Variants in TPM3 observed in about 807,000 individuals in gnomAD.
TPM3 encodes the protein tropomyosin 3.
Under a neutral mutation model 43.1 loss-of-function variants are expected in TPM3, and 16 were observed. That is an observed-to-expected ratio of 0.37 (90% CI 0.25 to 0.56). The LOEUF is 0.56. Ranked by LOEUF, TPM3 falls within the 20% of genes least tolerant of loss-of-function variation. The pLI is 0.77. For synonymous variants in TPM3, 101 were observed against 116.9 expected (o/e 0.86, Z 0.88); for missense variants, 176 against 337.2 (o/e 0.52, Z 3.74).
Position 154,167,817 on chromosome 1 carries a change from C to T in TPM3, c.*120G>A. 1 of 1,596,156 alleles carries T rather than the reference C, an allele frequency of 6.3e-7. No homozygotes were observed. Among genetic ancestry groups the T allele is most frequent in the South Asian group, 1.1e-5 (1 of 89,374 alleles). ...ATACATAAGTTGCTTTTTGCTCCCC[C>T]ATCCTAATGCCTTGGGGACCAGCCA... On this transcript the variant is annotated 3_prime_UTR_variant, in exon 10 of 10. Transcript: ENST00000651641.
At position 154,162,260 on chromosome 1, in the gene TPM3, G is replaced by C. The variant is rs1660450018; in HGVS notation, c.*5677C>G. Among the ~76,000 whole-genome samples the C allele has an allele frequency of 6.6e-6, 1 of 150,760 alleles. No homozygotes were observed. Among genetic ancestry groups the C allele is most frequent in the African/African-American group, 2.4e-5 (1 of 40,968 alleles). On this transcript the variant is annotated 3_prime_UTR_variant, in exon 10 of 10. Transcript: ENST00000651641. ...CGTGCCTGTAATCCCAGCTATTCAG[G>C]AGGCTGAGGCAGGAGGATCACTTAA...
chr1:154,191,386 G>T, intron 1 of TPM3, 75 bp from the exon 2 acceptor site: 1 of 1,605,094 alleles, frequency 6.2e-7, no homozygotes, highest in Non-Finnish European at 8.5e-7. Context: ...GGCTCTTGGA[G>T]CCCTGAGTGT....
In TPM3 at chr1:154,172,955, A is replaced by G. The variant is rs1345265386; in HGVS notation, c.519T>C (p.Ile173=). 1 of 1,614,190 alleles carries G rather than the reference A, an allele frequency of 6.2e-7. No homozygotes were observed. The highest frequency in any genetic ancestry group is 1.3e-5 in the African/African-American group (1 of 75,042). ...CCTCTGTGCGTTCCAAGTCTCCTTCAATGATCACCAACTTACGAGCCACCT... is the reference window on the plus strand; with the variant it reads ...CCTCTGTGCGTTCCAAGTCTCCTTCGATGATCACCAACTTACGAGCCACCT... ...YEEVARKLVI[I]EGDLERTEER... Residue 173 remains isoleucine (I), a synonymous_variant, in exon 5 of 10, where the codon ATT becomes ATC. Transcript: ENST00000651641.
At chr1:154,191,809 G>T in intron 1 of TPM3, 93 bp downstream of exon 1, 1 of 1,574,140 alleles carries the variant, frequency 6.4e-7, no homozygotes, top group East Asian at 2.2e-5. Context: ...AAAAGGAGGT[G>T]ACACCAGTAG....
In TPM3 at chr1:154,163,513, CCT is replaced by C. The variant is rs1660604436; in HGVS notation, c.*4422_*4423del. On this transcript the variant is annotated 3_prime_UTR_variant, in exon 10 of 10. Coordinates refer to ENST00000651641, the MANE Select transcript of TPM3 (RefSeq NM_152263.4). ...CATTTTCAGTTATCTTCCTTCTTAG[CCT>C]CTCTGTTGAAAAACCACTAGAAAGC... is the stretch of plus-strand genomic sequence containing the variant. Among the ~76,000 whole-genome samples, 2 of 152,178 alleles carry C rather than the reference CCT, an allele frequency of 1.3e-5. No homozygotes were observed. The highest frequency in any genetic ancestry group is 6.5e-5 in the Admixed American group (1 of 15,276).
chr1:154,175,330 C>CAAAAA (rs34360728), intron 3 of TPM3, among the ~76,000 whole-genome samples: 6 of 89,488 alleles, frequency 6.7e-5, no homozygotes, highest in Admixed American at 3.7e-4. Context: ...GACTCTGTCT[C>CAAAAA]AAAAAAAAAA....
chr1:154,190,817 A>G (rs1297048707), intron 2 of TPM3, among the ~76,000 whole-genome samples: 1 of 152,226 alleles, frequency 6.6e-6, no homozygotes, highest in Non-Finnish European at 1.5e-5. Context: ...ACATGCCAAG[A>G]CTTGGACATA....
chr1:154,182,964 T>C, intron 2 of TPM3: 1 of 1,610,544 alleles, frequency 6.2e-7, no homozygotes, highest in Non-Finnish European at 8.5e-7. Context: ...TGCCCCTCCC[T>C]CATGAGCCTC....
At chr1:154,184,784 C>T (rs964670971) in intron 2 of TPM3, among the ~76,000 whole-genome samples, 1 of 151,860 alleles carries the variant, frequency 6.6e-6, no homozygotes, top group Non-Finnish European at 1.5e-5. Flanking sequence ...TTGGTGGCAG[C>T]ACGTCTGTAG....
At position 154,163,875 on chromosome 1, in the gene TPM3, C is replaced by T. The variant is rs140590273; in HGVS notation, c.*4062G>A. Among the ~76,000 whole-genome samples, 1,216 of 152,138 alleles carry T rather than the reference C, an allele frequency of 8.0e-3. 13 individuals are homozygous for T. Among genetic ancestry groups the T allele is most frequent in the African/African-American group, 0.026 (1,097 of 41,486 alleles). ...GTCTTGATCTCCTGACCTCGTGATC[C>T]GCCCACCTCGGCCTCCCAAAGTGCT... is the stretch of plus-strand genomic sequence containing the variant. On this transcript the variant is annotated 3_prime_UTR_variant, in exon 10 of 10. Coordinates refer to ENST00000651641, the MANE Select transcript of TPM3 (RefSeq NM_152263.4).
In TPM3 at chr1:154,164,693, A is replaced by C. The variant is rs1660759083; in HGVS notation, c.*3244T>G. On this transcript the variant is annotated 3_prime_UTR_variant, in exon 10 of 10. Coordinates refer to ENST00000651641, the MANE Select transcript of TPM3 (RefSeq NM_152263.4). ...GATTAGGAAAAAACACTAACACATC[A>C]AAACTTTGATTTCAAAATAGAATTG... Among the ~76,000 whole-genome samples the C allele has an allele frequency of 6.6e-6, 1 of 152,228 alleles. No homozygotes were observed. Among genetic ancestry groups the C allele is most frequent in the African/African-American group, 2.4e-5 (1 of 41,456 alleles).
rs1170244101 is a variant in TPM3 at position 154,163,712 on chromosome 1, C to T, written c.*4225G>A. ...GCCGTGGCACAATCTCAGCTCACTA[C>T]AAGCTCCGCCTCCCGGGTTCACGCC... On this transcript the variant is annotated 3_prime_UTR_variant, in exon 10 of 10. Coordinates refer to ENST00000651641, the MANE Select transcript of TPM3 (RefSeq NM_152263.4). 2.6e-5 allele frequency among the ~76,000 whole-genome samples: 4 copies of T among 152,138 alleles called. No homozygotes were observed. Among genetic ancestry groups the T allele is most frequent in the Non-Finnish European group, 4.4e-5 (3 of 68,030 alleles).
intron 2 of TPM3, chr1:154,178,202 A>G: frequency 1.0e-6 from 1 of 985,438 alleles, no homozygotes; most frequent in Non-Finnish European, 1.2e-6. Flanking sequence ...CCCAAACTGG[A>G]GTAGAAGATA....
chr1:154,171,541 A>G (rs1005699191), intron 5 of TPM3, 53 bp from the exon 6 acceptor site: 54 of 1,589,078 alleles, frequency 3.4e-5, no homozygotes, highest in Non-Finnish European at 4.7e-5. Context: ...GAAGAGAATA[A>G]AAAAAGGGAG....
chr1:154,183,339 G>T (rs534481555), intron 2 of TPM3: 13 of 1,442,454 alleles, frequency 9.0e-6, no homozygotes, highest in South Asian at 1.4e-5. Context: ...CCTCCCAGTC[G>T]CCCTGGAGTA....
intron 3 of TPM3, among the ~76,000 whole-genome samples, chr1:154,174,407 T>TAC (rs1553249401): frequency 0.029 from 2,105 of 72,256 alleles, 131 homozygotes; most frequent in East Asian, 0.044. Context: ...TATATATATA[T>TAC]ACACACAAAA....
chr1:154,176,569 G>A (rs1015161452), intron 2 of TPM3, among the ~76,000 whole-genome samples: 1 of 147,778 alleles, frequency 6.8e-6, no homozygotes, highest in African/African-American at 2.5e-5. Context: ...AGAAAAGAAA[G>A]TCAATGAAGG....
At chr1:154,182,899 G>C (rs1663122128) in intron 2 of TPM3, 2 of 1,594,652 alleles carry the variant, frequency 1.3e-6, no homozygotes, top group African/African-American at 1.3e-5. Flanking sequence ...GCCTTCAGAG[G>C]ACCGTGCTCC....
intron 6 of TPM3, 151 bp from the exon 7 acceptor site, chr1:154,170,862 G>A (rs1386069442): frequency 3.0e-6 from 2 of 657,088 alleles, no homozygotes; most frequent in African/African-American, 1.8e-5. Flanking sequence ...CTGGACAATA[G>A]GTCCTTGAAA....
Sources: allele counts gnomAD v4.1 joint callset (sites outside exome capture counted in the v4.1 genomes callset), GRCh38; gene constraint gnomAD v4.1.1; transcripts MANE v1.5; gene names NCBI Gene and HGNC (gene_info 2026-07-23, HGNC 2026-07-21).